The following MDFIC2 variants were observed in gnomAD, a reference collection of about 807,000 sequenced individuals.
The protein encoded by MDFIC2 is MyoD family inhibitor domain containing 2.
chr3:70,230,623 TAAC>T lies in MDFIC2; in HGVS notation c.89-23836_89-23834del, dbSNP rs1388380532. Among the ~76,000 whole-genome samples the T allele has an allele frequency of 3.9e-5, 6 of 152,310 alleles. No homozygotes were observed. In the South Asian group the frequency reaches 1.2e-3, roughly 32 times the overall value. Reference sequence around the variant, plus strand: ...TTATTATTTAAAAACTGGTTTAATTTAACAACAACAAAAAAAGTTGAGCTGCAA... The same window carrying T: ...TTATTATTTAAAAACTGGTTTAATTTAACAACAAAAAAAGTTGAGCTGCAA... On this transcript the variant is annotated intron_variant, in intron 2 of 3. Transcript: ENST00000567252.
chr3:70,244,450 G>T (rs538806439), intron 2 of MDFIC2, among the ~76,000 whole-genome samples: 1 of 152,122 alleles, frequency 6.6e-6, no homozygotes, highest in African/African-American at 2.4e-5. Flanking sequence ...GTAAAGGAAC[G>T]GAGTAATCAA....
At chr3:70,208,058 G>A (rs1396694926) in intron 2 of MDFIC2, among the ~76,000 whole-genome samples, 1 of 152,062 alleles carries the variant, frequency 6.6e-6, no homozygotes, top group East Asian at 1.9e-4. Context: ...TAAAAGAGAA[G>A]CATATCATAA....
chr3:70,212,691 C>A (rs1371179810), intron 2 of MDFIC2, among the ~76,000 whole-genome samples: 2 of 152,118 alleles, frequency 1.3e-5, no homozygotes, highest in Non-Finnish European at 2.9e-5. Flanking sequence ...GGACAATATT[C>A]TTCTCGTCAT....
chr3:70,258,798 T>C (rs2106659375), intron 2 of MDFIC2, among the ~76,000 whole-genome samples: 1 of 152,234 alleles, frequency 6.6e-6, no homozygotes, highest in Middle Eastern at 3.4e-3. Context: ...ATTTAGCCAA[T>C]AAAATATAAC....
At chr3:70,268,328 A>G (rs1187529155) in intron 2 of MDFIC2, among the ~76,000 whole-genome samples, 1 of 152,164 alleles carries the variant, frequency 6.6e-6, no homozygotes, top group African/African-American at 2.4e-5. Context: ...ACAAAAAATT[A>G]GCCAGGCGTG....
chr3:70,250,433 A>C (rs1701751478), intron 2 of MDFIC2, among the ~76,000 whole-genome samples: 2 of 151,734 alleles, frequency 1.3e-5, no homozygotes, highest in African/African-American at 4.8e-5. Flanking sequence ...ACACACACAC[A>C]CACACACACA....
chr3:70,282,726 A>T (rs753781294), intron 2 of MDFIC2, among the ~76,000 whole-genome samples: 1 of 152,152 alleles, frequency 6.6e-6, no homozygotes, highest in Non-Finnish European at 1.5e-5. Flanking sequence ...CTTCTTGCTT[A>T]TTTGTCACCA....
At chr3:70,234,572 C>T (rs1314517991) in intron 2 of MDFIC2, among the ~76,000 whole-genome samples, 2 of 151,188 alleles carry the variant, frequency 1.3e-5, no homozygotes, top group Non-Finnish European at 2.9e-5. Context: ...CTTGGGAAGT[C>T]GAGGCTGCAG....
intron 3 of MDFIC2, among the ~76,000 whole-genome samples, chr3:70,197,798 T>C (rs1475497937): frequency 6.6e-6 from 1 of 152,228 alleles, no homozygotes; most frequent in Non-Finnish European, 1.5e-5. Flanking sequence ...TGTAAAGCCT[T>C]GATTTTATAT....
intron 2 of MDFIC2, among the ~76,000 whole-genome samples, chr3:70,294,066 A>C (rs1238178679): frequency 6.6e-6 from 1 of 152,140 alleles, no homozygotes; most frequent in East Asian, 1.9e-4. Context: ...GCTTGGCTTT[A>C]TAAAGACATG....
chr3:70,206,834 T>G, intron 2 of MDFIC2, 44 bp from the exon 3 acceptor site: 1 of 396,996 alleles, frequency 2.5e-6, no homozygotes, highest in Non-Finnish European at 4.4e-6. Flanking sequence ...CCACTATGGT[T>G]TACGTGACCT....
chr3:70,220,041 A>AT (rs1281869287), intron 2 of MDFIC2, among the ~76,000 whole-genome samples: 1 of 152,132 alleles, frequency 6.6e-6, no homozygotes. Context: ...TAAAGAAAAG[A>AT]TTTTTCAAGT....
chr3:70,270,224 T>C (rs866449076), intron 2 of MDFIC2, among the ~76,000 whole-genome samples: 1 of 152,190 alleles, frequency 6.6e-6, no homozygotes, highest in East Asian at 1.9e-4. Context: ...CAATGACCAG[T>C]TGGTTTTACA....
chr3:70,307,504 TC>T (rs560058919), intron 2 of MDFIC2, among the ~76,000 whole-genome samples: 22 of 151,622 alleles, frequency 1.5e-4, no homozygotes, highest in African/African-American at 5.3e-4. Context: ...ACCTGTAATT[TC>T]CCCCCCCAAT....
At chr3:70,207,990 A>C (rs1278882232) in intron 2 of MDFIC2, among the ~76,000 whole-genome samples, 1 of 152,054 alleles carries the variant, frequency 6.6e-6, no homozygotes, top group East Asian at 1.9e-4. Flanking sequence ...CTTGACCTTC[A>C]TGAGCATCAA....
chr3:70,226,563 T>C (rs1263753639), intron 2 of MDFIC2, among the ~76,000 whole-genome samples: 3 of 151,208 alleles, frequency 2.0e-5, no homozygotes, highest in Non-Finnish European at 4.4e-5. Context: ...CATGGTGAAA[T>C]CCTGTCTCTA....
chr3:70,195,269 C>T lies in MDFIC2; in HGVS notation c.*1657G>A, dbSNP rs1253284163. On this transcript the variant is annotated 3_prime_UTR_variant, in exon 4 of 4. Transcript: ENST00000567252. ...CTATGCATTGAGTATAGAGCTGTTT[C>T]TTCGAGCTTCTGAAAAGCAGAAAGA... Among the ~76,000 whole-genome samples the T allele has an allele frequency of 1.3e-5, 2 of 152,018 alleles. No individual in the cohort carries two copies. Among genetic ancestry groups the T allele is most frequent in the Admixed American group, 6.5e-5 (1 of 15,272 alleles).
intron 2 of MDFIC2, among the ~76,000 whole-genome samples, chr3:70,287,433 T>C (rs1180343446): frequency 6.6e-6 from 1 of 151,788 alleles, no homozygotes; most frequent in Non-Finnish European, 1.5e-5. Context: ...GGATAAACTT[T>C]TTGATGTGCT....
intron 2 of MDFIC2, among the ~76,000 whole-genome samples, chr3:70,215,254 A>G (rs1701395197): frequency 6.6e-6 from 1 of 152,026 alleles, no homozygotes; most frequent in Non-Finnish European, 1.5e-5. Context: ...GCCCAAGATT[A>G]CCCCGCTGGT....
Sources: allele counts gnomAD v4.1 joint callset (sites outside exome capture counted in the v4.1 genomes callset), GRCh38; gene constraint gnomAD v4.1.1; transcripts MANE v1.5; gene names NCBI Gene and HGNC (gene_info 2026-07-23, HGNC 2026-07-21).